Variants in TAB2 observed in about 807,000 individuals in gnomAD.
The protein encoded by TAB2 is TGF-beta-activated kinase 1 and MAP3K7-binding protein 2.
In TAB2, 3 loss-of-function variants were observed where a neutral mutation model predicts 65.0. The observed-to-expected ratio is 0.05, with a 90% CI of 0.02 to 0.12. The LOEUF is 0.12. TAB2 is among the 10% of genes least tolerant of loss of function. The probability of loss-of-function intolerance (pLI) is 1.00; values close to 1 mark genes in which losing one functional copy is unlikely to be tolerated. For missense variants in TAB2, 623 were observed against 840.3 expected (o/e 0.74, Z 3.20); for synonymous variants, 298 against 285.1 (o/e 1.05, Z -0.46).
intron 1 of TAB2, among the ~76,000 whole-genome samples, chr6:149,283,054 G>A (rs1225049547): frequency 6.6e-6 from 1 of 152,186 alleles, no homozygotes; most frequent in Non-Finnish European, 1.5e-5. Context: ...ACTAGAAAGA[G>A]TGATTTAATA....
intron 1 of TAB2, among the ~76,000 whole-genome samples, chr6:149,260,334 C>A (rs755607097): frequency 6.6e-6 from 1 of 152,184 alleles, no homozygotes; most frequent in Non-Finnish European, 1.5e-5. Flanking sequence ...AAAGCCTGAC[C>A]CACCGCGTGC....
chr6:149,375,869 G>T (rs1781381267), intron 2 of TAB2, among the ~76,000 whole-genome samples: 1 of 152,150 alleles, frequency 6.6e-6, no homozygotes, highest in Non-Finnish European at 1.5e-5. Context: ...GGTTTAAGTT[G>T]TTGGTTTTAG....
chr6:149,265,726 C>T (rs114993770), intron 1 of TAB2, among the ~76,000 whole-genome samples: 1,845 of 152,300 alleles, frequency 0.012, 36 homozygotes, highest in African/African-American at 0.041. Flanking sequence ...TCAACGCCAA[C>T]GCCCCAAGCC....
At chr6:149,373,034 C>T (rs557045531) in intron 2 of TAB2, among the ~76,000 whole-genome samples, 2 of 152,180 alleles carry the variant, frequency 1.3e-5, no homozygotes, top group African/African-American at 2.4e-5. Context: ...AGGGAGAGAA[C>T]AAAAGTGTCT....
intron 1 of TAB2, among the ~76,000 whole-genome samples, chr6:149,329,672 G>A (rs905852335): frequency 7.0e-6 from 1 of 142,152 alleles, no homozygotes; most frequent in South Asian, 2.6e-4. Context: ...AGCTGGGGGG[G>A]GCGGGGTTGG....
Position 149,378,382 on chromosome 6 carries a change from G to A in TAB2, c.467G>A (p.Gly156Glu). ...GCTTCAAATTCAGCACCACATCTTG[G>A]ATTTCACTTAGGCAGCAAAGGAACA... ...SGASNSAPHLGFHLGSKGTSS... is the reference protein window; with the variant it reads ...SGASNSAPHLEFHLGSKGTSS... The change falls in exon 3 of 7, where the codon GGA becomes GAA. Residue 156 changes from glycine to glutamate, a missense_variant. Coordinates refer to ENST00000637181, the MANE Select transcript of TAB2 (RefSeq NM_001292034.3). 1.9e-6 allele frequency: 3 copies of A among 1,614,132 alleles called. No individual in the cohort carries two copies. The South Asian group carries it at 3.3e-5, about 18-fold the overall frequency.
chr6:149,229,421 T>G (rs1777356421), intron 1 of TAB2, among the ~76,000 whole-genome samples: 1 of 148,344 alleles, frequency 6.7e-6, no homozygotes, highest in African/African-American at 2.5e-5. Context: ...TGTGTGTGTT[T>G]GTGTGTGTGT....
intron 6 of TAB2, among the ~76,000 whole-genome samples, chr6:149,399,898 G>T (rs1471983674): frequency 6.6e-6 from 1 of 152,222 alleles, no homozygotes; most frequent in Admixed American, 6.5e-5. Context: ...ACACAAAAGT[G>T]TGGGAGGGTG....
intron 1 of TAB2, among the ~76,000 whole-genome samples, chr6:149,252,226 G>T (rs1777876544): frequency 6.6e-6 from 1 of 152,036 alleles, no homozygotes; most frequent in South Asian, 2.1e-4. Context: ...GACCAACATG[G>T]AGAAACCCAT....
intron 1 of TAB2, among the ~76,000 whole-genome samples, chr6:149,242,792 T>A (rs1020629673): frequency 3.3e-5 from 5 of 152,064 alleles, no homozygotes; most frequent in Non-Finnish European, 7.4e-5. Flanking sequence ...GTTAGACTCA[T>A]CCCCAAAGAA....
intron 6 of TAB2, among the ~76,000 whole-genome samples, chr6:149,403,293 C>T (rs13216664): frequency 0.033 from 2,043 of 61,516 alleles, 87 homozygotes; most frequent in African/African-American, 0.093. Flanking sequence ...TACACACACA[C>T]ACATATATAT....
intron 3 of TAB2, among the ~76,000 whole-genome samples, chr6:149,381,990 C>G (rs550086935): frequency 1.3e-5 from 2 of 152,200 alleles, no homozygotes; most frequent in African/African-American, 4.8e-5. Context: ...CTTCTTTCAA[C>G]TCAGCATCCA....
intron 1 of TAB2, among the ~76,000 whole-genome samples, chr6:149,345,191 AG>A (rs1004305374): frequency 6.6e-5 from 10 of 152,148 alleles, no homozygotes; most frequent in African/African-American, 2.4e-4. Context: ...TAAAAAAAAA[AG>A]TCACCTGGCT....
At chr6:149,254,022 GAAA>G in intron 1 of TAB2, among the ~76,000 whole-genome samples, 1 of 124,684 alleles carries the variant, frequency 8.0e-6, no homozygotes, top group African/African-American at 3.1e-5. Flanking sequence ...AAGAAAGAAA[GAAA>G]AGAAAGAAAG....
intron 1 of TAB2, among the ~76,000 whole-genome samples, chr6:149,307,866 ACC>A (rs1414867003): frequency 6.6e-6 from 1 of 152,140 alleles, no homozygotes; most frequent in East Asian, 1.9e-4. Context: ...TAATTTTACC[ACC>A]CCAAAGCACT....
At chr6:149,323,273 G>A (rs1327683668) in intron 1 of TAB2, among the ~76,000 whole-genome samples, 1 of 152,110 alleles carries the variant, frequency 6.6e-6, no homozygotes, top group Non-Finnish European at 1.5e-5. Flanking sequence ...TCTAGAAATT[G>A]AGAGGAAGAA....
At chr6:149,384,365 TAG>T (rs1275565759) in intron 3 of TAB2, among the ~76,000 whole-genome samples, 2 of 152,102 alleles carry the variant, frequency 1.3e-5, no homozygotes, top group Non-Finnish European at 2.9e-5. Flanking sequence ...TCCTCTACTA[TAG>T]AGTGATCAGA....
At chr6:149,407,807 A>G (rs1782718196) in intron 6 of TAB2, among the ~76,000 whole-genome samples, 1 of 152,004 alleles carries the variant, frequency 6.6e-6, no homozygotes, top group African/African-American at 2.4e-5. Flanking sequence ...TTCTAAGTTT[A>G]CCAAGTGAGA....
At chr6:149,296,151 T>C (rs1010544534) in intron 1 of TAB2, among the ~76,000 whole-genome samples, 1 of 152,242 alleles carries the variant, frequency 6.6e-6, no homozygotes, top group Admixed American at 6.5e-5. Flanking sequence ...TGAAGGAACT[T>C]TGCTCAAGAA....
Sources: allele counts gnomAD v4.1 joint callset (sites outside exome capture counted in the v4.1 genomes callset), GRCh38; gene constraint gnomAD v4.1.1; transcripts MANE v1.5; gene names NCBI Gene and HGNC (gene_info 2026-07-23, HGNC 2026-07-21).